Variants in PTK2 observed in about 807,000 individuals in gnomAD.
PTK2 encodes the protein protein tyrosine kinase 2.
Under a neutral mutation model 150.1 loss-of-function variants are expected in PTK2, and 45 were observed. That is an observed-to-expected ratio of 0.30 (90% confidence interval 0.24 to 0.38). The LOEUF is 0.38. Among genes scored for constraint, PTK2 ranks in the 10% least tolerant of loss-of-function variants. PTK2 has a pLI of 1.00. For missense variants in PTK2, 919 were observed against 1,307.3 expected (o/e 0.70, Z 4.58); for synonymous variants, 432 against 449.2 (o/e 0.96, Z 0.48).
At chr8:140,674,208 TC>T in intron 29 of PTK2, 89 bp downstream of exon 32, 1 of 1,287,632 alleles carries the variant, frequency 7.8e-7, no homozygotes, top group Non-Finnish European at 1.1e-6. Context: ...CAGCACCAAC[TC>T]CACTCTATGA....
rs1037379495 is a variant in PTK2, at chr8:140,811,207, A to G, written c.867+7070T>C. Among the ~76,000 whole-genome samples the G allele has an allele frequency of 2.7e-4, 41 of 152,198 alleles. 1 individual carries two copies. The highest frequency in any genetic ancestry group is 2.6e-3 in the Admixed American group (40 of 15,286). On this transcript the variant is annotated intron_variant, in intron 10 of 31. Coordinates refer to ENST00000522684, the Ensembl canonical transcript of PTK2. ...CCTACCCCCAACACTCCACAAGTGC[A>G]GTGGATTCCTAACCTCCAGGAGCCA...
chr8:140,669,110 G>C (rs2094102659), intron 29 of PTK2: 1 of 151,958 alleles, frequency 6.6e-6, no homozygotes, highest in African/African-American at 2.4e-5. Flanking sequence ...CTCTCACCCG[G>C]GCAACTGTGA....
intron 16 of PTK2, among the ~76,000 whole-genome samples, chr8:140,757,173 T>C (rs1348834530): frequency 1.3e-5 from 2 of 152,168 alleles, no homozygotes; most frequent in South Asian, 4.2e-4. Context: ...ATCAGGAATT[T>C]TGGAGATTAT....
chr8:140,789,357 A>G, intron 14 of PTK2, 117 bp downstream of exon 14: 1 of 948,214 alleles, frequency 1.1e-6, no homozygotes, highest in Non-Finnish European at 1.5e-6. Context: ...TTGGATAGCC[A>G]GAATGCTTAT....
exon 24 of PTK2, chr8:140,706,180 G>A (rs781150551): frequency 6.2e-6 from 10 of 1,613,334 alleles, no homozygotes; most frequent in Admixed American, 3.3e-5. Context: ...GCTGGACCTC[G>A]GACTGGGATA....
intron 29 of PTK2, chr8:140,669,938 C>G (rs2094630847): frequency 3.2e-6 from 2 of 617,836 alleles, no homozygotes; most frequent in Admixed American, 5.5e-5. Context: ...GCTCACTGCC[C>G]CAGCATACTG....
intron 14 of PTK2, among the ~76,000 whole-genome samples, chr8:140,765,918 T>C (rs2100072010): frequency 6.6e-6 from 1 of 152,200 alleles, no homozygotes; most frequent in Non-Finnish European, 1.5e-5. Context: ...TTTGATTCCA[T>C]AGTTTAACAC....
intron 17 of PTK2, among the ~76,000 whole-genome samples, chr8:140,749,869 A>G (rs1242623798): frequency 1.3e-5 from 2 of 152,246 alleles, no homozygotes; most frequent in African/African-American, 2.4e-5. Context: ...CTACTCCTAT[A>G]AAACTATATA....
At position 140,838,348 on chromosome 8, in the gene PTK2, G is replaced by A. The variant is rs1416652080; in HGVS notation, c.594-7822C>T. On this transcript the variant is annotated intron_variant, in intron 7 of 31. Coordinates refer to ENST00000522684, the Ensembl canonical transcript of PTK2. ...AGAAATGCCAACACACTCCTTGAGA[G>A]AGCTGCTGGGGTTCCCAGTTGCTCC... is the stretch of plus-strand genomic sequence containing the variant. Among the ~76,000 whole-genome samples, 5 of 152,220 alleles carry A rather than the reference G, an allele frequency of 3.3e-5. No individual in the cohort carries two copies. In the East Asian group the frequency reaches 7.7e-4, roughly 23 times the overall value.
intron 1 of PTK2, among the ~76,000 whole-genome samples, chr8:140,982,081 A>AAAAAAC (rs144602670): frequency 2.7e-5 from 4 of 146,568 alleles, no homozygotes; most frequent in Admixed American, 6.7e-5. Flanking sequence ...AAAAAAAAAA[A>AAAAAAC]AATGACTCAG....
intron 5 of PTK2, among the ~76,000 whole-genome samples, chr8:140,863,919 GTATT>G (rs2100137778): frequency 6.6e-6 from 1 of 152,128 alleles, no homozygotes; most frequent in African/African-American, 2.4e-5. Context: ...TACCTTACAT[GTATT>G]TATTGTCTAT....
At chr8:140,827,084 G>A (rs2100112225) in intron 8 of PTK2, among the ~76,000 whole-genome samples, 1 of 151,952 alleles carries the variant, frequency 6.6e-6, no homozygotes, top group East Asian at 1.9e-4. Flanking sequence ...CCATGTTGCT[G>A]TCAAATTTAT....
At chr8:140,876,245 C>T (rs896477435) in intron 4 of PTK2, among the ~76,000 whole-genome samples, 2 of 151,870 alleles carry the variant, frequency 1.3e-5, no homozygotes, top group African/African-American at 2.4e-5. Context: ...TTCGTTTTTC[C>T]TAAGGTGTTT....
At chr8:140,818,483 C>T in intron 9 of PTK2, 129 bp from the exon 10 acceptor site, 1 of 749,442 alleles carries the variant, frequency 1.3e-6, no homozygotes, top group Non-Finnish European at 2.3e-6. Flanking sequence ...TCTATCTAAC[C>T]AAATAAGATA....
chr8:140,804,565 G>T (rs879735141), intron 10 of PTK2, among the ~76,000 whole-genome samples: 5 of 152,130 alleles, frequency 3.3e-5, no homozygotes, highest in African/African-American at 7.2e-5. Flanking sequence ...AAAGATACAT[G>T]AATCTTCCAT....
At chr8:140,952,549 C>G (rs1343277231) in intron 1 of PTK2, among the ~76,000 whole-genome samples, 1 of 152,144 alleles carries the variant, frequency 6.6e-6, no homozygotes, top group African/African-American at 2.4e-5. Flanking sequence ...AAGATGTGAA[C>G]TGACACTCAT....
intron 13 of PTK2, among the ~76,000 whole-genome samples, chr8:140,790,046 GCTTCATGACATGGTT>G (rs1566438873): frequency 0.021 from 3,175 of 152,104 alleles, 119 homozygotes; most frequent in African/African-American, 0.072. Flanking sequence ...CTTGCTACTT[GCTTCATGACATGGTT>G]TAACACTAGT....
intron 12 of PTK2, among the ~76,000 whole-genome samples, chr8:140,793,719 A>G (rs2100089942): frequency 6.6e-6 from 1 of 152,254 alleles, no homozygotes; most frequent in East Asian, 1.9e-4. Flanking sequence ...AGGACCAGGC[A>G]TTCTGCACTT....
At chr8:140,990,088 T>A (rs7831770) in intron 1 of PTK2, among the ~76,000 whole-genome samples, 62,762 of 151,922 alleles carry the variant, frequency 0.41, 15,051 homozygotes, top group Non-Finnish European at 0.55. Flanking sequence ...GAGCCTAACC[T>A]TTTAGTGACA....
Sources: allele counts gnomAD v4.1 joint callset (sites outside exome capture counted in the v4.1 genomes callset), GRCh38; gene constraint gnomAD v4.1.1; transcripts MANE v1.5; gene names NCBI Gene and HGNC (gene_info 2026-07-23, HGNC 2026-07-21).